Variants in LINGO2 observed in about 807,000 individuals in gnomAD.
LINGO2 encodes the protein leucine-rich repeat and immunoglobulin-like domain-containing nogo receptor-interacting protein 2.
Under a neutral mutation model 30.6 loss-of-function variants are expected in LINGO2, and 14 were observed. The observed-to-expected ratio is 0.46, with a 90% CI of 0.30 to 0.72. The LOEUF is 0.72. Ranked by LOEUF, LINGO2 falls within the 30% of genes least tolerant of loss-of-function variation. The probability of loss-of-function intolerance (pLI) is 0.07; values close to 1 mark genes in which losing one functional copy is unlikely to be tolerated. For missense variants in LINGO2, 729 were observed against 751.7 expected (o/e 0.97, Z 0.35); for synonymous variants, 317 against 288.5 (o/e 1.10, Z -1.00).
intron 1 of LINGO2, among the ~76,000 whole-genome samples, chr9:28,566,317 T>C (rs941176734): frequency 6.6e-6 from 1 of 152,166 alleles, no homozygotes; most frequent in African/African-American, 2.4e-5. Context: ...GCTACACCTA[T>C]GCTTATTAAA....
chr9:29,161,577 T>C, the LINGO2 span, among the ~76,000 whole-genome samples: 4 of 152,310 alleles, frequency 2.6e-5, no homozygotes, highest in East Asian at 7.7e-4. Context: ...CTGGAGGGCC[T>C]TGATAGTTTG....
the LINGO2 span, among the ~76,000 whole-genome samples, chr9:28,869,678 A>G: frequency 6.6e-6 from 1 of 152,024 alleles, no homozygotes; most frequent in Non-Finnish European, 1.5e-5. Context: ...CCCTGTCTTC[A>G]AGGAGCCCAC....
chr9:29,184,814 T>G, the LINGO2 span, among the ~76,000 whole-genome samples: 5 of 151,976 alleles, frequency 3.3e-5, no homozygotes, highest in Non-Finnish European at 7.4e-5. Context: ...ACCTTACACT[T>G]AAGCCCAAAT....
chr9:28,730,985 C>A, the LINGO2 span, among the ~76,000 whole-genome samples: 2 of 151,896 alleles, frequency 1.3e-5, no homozygotes, highest in South Asian at 4.2e-4. Context: ...AGAAACTGTA[C>A]TCCTGAGAAT....
At chr9:28,028,006 T>C (rs984338894) in intron 4 of LINGO2, among the ~76,000 whole-genome samples, 5 of 152,194 alleles carry the variant, frequency 3.3e-5, no homozygotes, top group African/African-American at 1.2e-4. Context: ...GGAGGTTTTT[T>C]CTTGACCACT....
rs149509535 is a variant in LINGO2, at chr9:28,643,831, C to T, written c.-365+26369G>A. ...AGAAATATATAAGGAGGTCAAACAA[C>T]TCTATAGAAAAAAACATAAAAATCC... On this transcript the variant is annotated intron_variant, in intron 1 of 5. Transcript: ENST00000379992. 2.8e-3 allele frequency among the ~76,000 whole-genome samples: 419 copies of T among 151,940 alleles called. 3 individuals are homozygous for T. Among genetic ancestry groups the T allele is most frequent in the African/African-American group, 9.6e-3 (400 of 41,466 alleles).
chr9:28,685,984 T>TGTGC, the LINGO2 span, among the ~76,000 whole-genome samples: 3 of 151,476 alleles, frequency 2.0e-5, no homozygotes, highest in Admixed American at 6.6e-5. Context: ...ATGATGTGTG[T>TGTGC]GTGTGTGTGT....
chr9:28,018,613 G>T (rs1424035486), intron 4 of LINGO2, among the ~76,000 whole-genome samples: 1 of 152,016 alleles, frequency 6.6e-6, no homozygotes, highest in East Asian at 1.9e-4. Flanking sequence ...GCTAATCACT[G>T]GGGAAATGCA....
At chr9:28,607,000 A>T (rs189335175) in intron 1 of LINGO2, among the ~76,000 whole-genome samples, 1 of 152,194 alleles carries the variant, frequency 6.6e-6, no homozygotes, top group East Asian at 1.9e-4. Context: ...ATTAGAATAC[A>T]TTTACAGCAA....
At chr9:28,920,569 T>A in the LINGO2 span, among the ~76,000 whole-genome samples, 1 of 152,164 alleles carries the variant, frequency 6.6e-6, no homozygotes, top group African/African-American at 2.4e-5. Flanking sequence ...AATGTACATA[T>A]CTACAAAACA....
chr9:28,142,392 A>C (rs1157144147), intron 4 of LINGO2, among the ~76,000 whole-genome samples: 1 of 152,136 alleles, frequency 6.6e-6, no homozygotes, highest in East Asian at 1.9e-4. Flanking sequence ...TTTGAATCCT[A>C]GTTGCAAGTT....
intron 5 of LINGO2, among the ~76,000 whole-genome samples, chr9:27,990,967 C>T (rs558827606): frequency 1.4e-4 from 21 of 152,088 alleles, no homozygotes; most frequent in Admixed American, 1.2e-3. Flanking sequence ...TGTAAACAGC[C>T]ACTTTCCACG....
chr9:28,547,224 G>T (rs184304165), intron 1 of LINGO2, among the ~76,000 whole-genome samples: 3 of 152,124 alleles, frequency 2.0e-5, no homozygotes, highest in Admixed American at 6.5e-5. Flanking sequence ...TGTGAAAAGG[G>T]TACAAAGCAG....
At chr9:28,544,011 C>T (rs550644103) in intron 1 of LINGO2, among the ~76,000 whole-genome samples, 1 of 152,048 alleles carries the variant, frequency 6.6e-6, no homozygotes, top group East Asian at 1.9e-4. Context: ...TTGAGACCAA[C>T]CTGGCCAACA....
intron 2 of LINGO2, among the ~76,000 whole-genome samples, chr9:28,388,405 C>A (rs1304360340): frequency 6.6e-6 from 1 of 152,164 alleles, no homozygotes; most frequent in East Asian, 1.9e-4. Context: ...TTCAGATATC[C>A]TGGGACACAT....
At chr9:28,181,238 T>C (rs1828902375) in intron 4 of LINGO2, among the ~76,000 whole-genome samples, 1 of 152,168 alleles carries the variant, frequency 6.6e-6, no homozygotes, top group South Asian at 2.1e-4. Flanking sequence ...ACTGGGCTGC[T>C]TCCAGTAGGC....
chr9:28,658,746 C>A (rs976934932), intron 1 of LINGO2, among the ~76,000 whole-genome samples: 3 of 151,938 alleles, frequency 2.0e-5, no homozygotes, highest in Non-Finnish European at 4.4e-5. Context: ...TTGTTTTGAA[C>A]CACTGTATTT....
intron 1 of LINGO2, among the ~76,000 whole-genome samples, chr9:28,486,505 T>C (rs1195757347): frequency 6.6e-6 from 1 of 152,202 alleles, no homozygotes; most frequent in Non-Finnish European, 1.5e-5. Context: ...TGCCTTATAT[T>C]TTCCAAAGAA....
At chr9:28,883,918 T>C in the LINGO2 span, among the ~76,000 whole-genome samples, 1 of 151,352 alleles carries the variant, frequency 6.6e-6, no homozygotes, top group African/African-American at 2.4e-5. Context: ...CCTCAAGTGA[T>C]CCACTAGCCT....
Sources: allele counts gnomAD v4.1 joint callset (sites outside exome capture counted in the v4.1 genomes callset), GRCh38; gene constraint gnomAD v4.1.1; transcripts MANE v1.5; gene names NCBI Gene and HGNC (gene_info 2026-07-23, HGNC 2026-07-21).